The following PARP8 variants were observed in gnomAD, a reference collection of about 807,000 sequenced individuals.
PARP8 encodes poly(ADP-ribose) polymerase family member 8.
A neutral mutation model predicts 124.1 loss-of-function variants in PARP8; 51 were observed. That is an observed-to-expected ratio of 0.41 (90% CI 0.33 to 0.52). The LOEUF is 0.52. PARP8 is among the 20% of genes least tolerant of loss of function. PARP8 has a pLI of 0.21. For synonymous variants in PARP8, 391 were observed against 361.5 expected, an observed-to-expected ratio of 1.08 and a Z score of -0.93; for missense variants, 860 against 1,018.9, an observed-to-expected ratio of 0.84 and a Z score of 2.12.
At chr5:50,707,692 G>A (rs1754304738) in intron 2 of PARP8, among the ~76,000 whole-genome samples, 1 of 151,000 alleles carries the variant, frequency 6.6e-6, no homozygotes, top group Non-Finnish European at 1.5e-5. Context: ...TGCTTTTATT[G>A]GCATGCAGTT....
rs1161590110 is a variant in PARP8, at chr5:50,794,309, G to A, written c.840G>A (p.Leu280=). The change falls in exon 11 of 26, where the codon CTG becomes CTA. Residue 280 remains leucine (L), a synonymous_variant. Coordinates refer to ENST00000281631, the MANE Select transcript of PARP8 (RefSeq NM_024615.4). The part of the protein sequence containing the change: ...KLSEKKVKSP[L]HLFSTLRRSP... ...CAGAGAAGAAAGTGAAGTCTCCCCT[G>A]CATTTATTTTCTACTTTGCGCAGGT... 6.2e-7 allele frequency: 1 copy of A among 1,613,002 alleles called. No homozygotes were observed. The highest frequency in any genetic ancestry group is 2.2e-5 in the East Asian group (1 of 44,772).
intron 10 of PARP8, among the ~76,000 whole-genome samples, chr5:50,791,985 A>G (rs1742009297): frequency 6.6e-6 from 1 of 152,202 alleles, no homozygotes; most frequent in Admixed American, 6.5e-5. Context: ...GCTCTAGTGC[A>G]TAGTTTTTTG....
Position 50,842,239 on chromosome 5 carries a change from G to T in PARP8, c.*171G>T. 2.0e-6 allele frequency: 1 copy of T among 496,574 alleles called. No homozygotes were observed. The highest frequency in any genetic ancestry group is 4.1e-5 in the Admixed American group (1 of 24,282). 30.8% of individuals were successfully genotyped at this position (496,574 alleles called of 1,614,324 possible). ...AGTATCTCATTAAATACCTAAAATGGTATAAGATTTATCAATTGTAGGGTT... is the reference window on the plus strand; with the variant it reads ...AGTATCTCATTAAATACCTAAAATGTTATAAGATTTATCAATTGTAGGGTT... On this transcript the variant is annotated 3_prime_UTR_variant, in exon 26 of 26. Transcript: ENST00000281631.
chr5:50,689,524 C>A (rs1457024298), intron 2 of PARP8, among the ~76,000 whole-genome samples: 1 of 152,152 alleles, frequency 6.6e-6, no homozygotes, highest in African/African-American at 2.4e-5. Context: ...ATGGGGAATT[C>A]CATTTGGGTC....
At chr5:50,708,247 C>T (rs1189364683) in intron 2 of PARP8, among the ~76,000 whole-genome samples, 2 of 151,982 alleles carry the variant, frequency 1.3e-5, no homozygotes, top group East Asian at 1.9e-4. Context: ...CTTCCCAGAG[C>T]TCTCCTTTTT....
At chr5:50,772,690 A>AT (rs1182645895) in intron 7 of PARP8, among the ~76,000 whole-genome samples, 1 of 149,954 alleles carries the variant, frequency 6.7e-6, no homozygotes, top group African/African-American at 2.4e-5. Context: ...TTTTATTTTT[A>AT]TTTTTATTTT....
intron 3 of PARP8, among the ~76,000 whole-genome samples, chr5:50,754,701 T>C (rs1026430777): frequency 6.6e-6 from 1 of 152,226 alleles, no homozygotes; most frequent in Non-Finnish European, 1.5e-5. Flanking sequence ...ATATACCCAG[T>C]AATGGGATGG....
chr5:50,682,119 G>A (rs549371702), intron 2 of PARP8, among the ~76,000 whole-genome samples: 7 of 152,200 alleles, frequency 4.6e-5, no homozygotes, highest in African/African-American at 1.7e-4. Context: ...GGGACCATTT[G>A]TCATATTGGC....
chr5:50,772,817 C>T (rs557090017), intron 7 of PARP8, among the ~76,000 whole-genome samples: 1 of 152,312 alleles, frequency 6.6e-6, no homozygotes, highest in Admixed American at 6.5e-5. Flanking sequence ...ATGCCTCAGC[C>T]TCCTGAGTAG....
rs904764966 is a variant in PARP8, at chr5:50,747,446, A to AT, written c.147-2696dup. ...CAGTTTCAAATATTCTGTGTTTTTA[A>AT]TTTTTTTTTCTTTTTGGTCTGGTTC... On this transcript the variant is annotated intron_variant, in intron 2 of 25. Transcript: ENST00000281631. Among the ~76,000 whole-genome samples the AT allele has an allele frequency of 2.2e-3, 324 of 149,520 alleles. 3 individuals are homozygous for AT. The highest frequency in any genetic ancestry group is 7.3e-3 in the African/African-American group (296 of 40,792).
chr5:50,690,534 A>G (rs893413430), intron 2 of PARP8, among the ~76,000 whole-genome samples: 2 of 152,144 alleles, frequency 1.3e-5, no homozygotes, highest in African/African-American at 2.4e-5. Flanking sequence ...AAGTCTTCCA[A>G]CTAACCCTAT....
intron 2 of PARP8, chr5:50,739,154 AG>A: frequency 1.4e-6 from 1 of 689,724 alleles, no homozygotes; most frequent in Non-Finnish European, 2.7e-6. Context: ...TTGAGGCCAA[AG>A]TGTAGGACAC....
chr5:50,816,463 G>C (rs1328046166), intron 15 of PARP8, among the ~76,000 whole-genome samples: 4 of 152,088 alleles, frequency 2.6e-5, no homozygotes, highest in Admixed American at 2.6e-4. Context: ...GCTTATGAAG[G>C]CACAACAGTT....
At chr5:50,826,846 G>A (rs770582290) in intron 19 of PARP8, 43 bp downstream of exon 19, 16 of 1,575,824 alleles carry the variant, frequency 1.0e-5, no homozygotes, top group African/African-American at 1.4e-5. Flanking sequence ...ACAGAAATGG[G>A]AGGAGTACTT....
intron 25 of PARP8, among the ~76,000 whole-genome samples, chr5:50,835,263 T>G (rs2149724028): frequency 6.6e-6 from 1 of 152,272 alleles, no homozygotes; most frequent in East Asian, 1.9e-4. Context: ...ACCATCTTAG[T>G]CAAGCCTGGT....
chr5:50,743,240 C>A (rs1758233362), intron 2 of PARP8, among the ~76,000 whole-genome samples: 1 of 152,014 alleles, frequency 6.6e-6, no homozygotes, highest in Admixed American at 6.6e-5. Context: ...AAAAGAAGGT[C>A]CTAGAGCTCC....
intron 15 of PARP8, among the ~76,000 whole-genome samples, chr5:50,819,762 T>C (rs1745555289): frequency 2.6e-5 from 4 of 152,134 alleles, no homozygotes. Flanking sequence ...TTTATCTTAC[T>C]GATTCTTCTT....
chr5:50,775,748 A>G (rs1739934434), intron 7 of PARP8, among the ~76,000 whole-genome samples: 2 of 152,130 alleles, frequency 1.3e-5, no homozygotes, highest in African/African-American at 4.8e-5. Flanking sequence ...TTGATTTTGT[A>G]TCCTGCAATT....
chr5:50,830,107 C>A (rs1746780128), intron 22 of PARP8, 146 bp downstream of exon 22: 2 of 968,342 alleles, frequency 2.1e-6, no homozygotes, highest in African/African-American at 3.3e-5. Context: ...AAAAACAAAG[C>A]CCATTTTCAA....
Sources: gnomAD v4.1 joint callset for allele counts (sites outside exome capture counted in the v4.1 genomes callset) on GRCh38, gnomAD v4.1.1 for gene constraint, MANE v1.5 for transcripts, NCBI Gene and HGNC (gene_info 2026-07-23, HGNC 2026-07-21) for gene names.